Variants in HDAC9 observed in about 807,000 individuals in gnomAD.
The protein encoded by HDAC9 is histone deacetylase 9.
Under a neutral mutation model 139.4 loss-of-function variants are expected in HDAC9, and 41 were observed. The observed-to-expected ratio is 0.29, with a 90% CI of 0.23 to 0.38. The LOEUF (loss-of-function observed/expected upper bound fraction) is 0.38. Among genes scored for constraint, HDAC9 ranks in the 10% least tolerant of loss-of-function variants. The pLI, the probability that HDAC9 is intolerant of heterozygous loss-of-function variation, is 1.00. For synonymous variants in HDAC9, 517 were observed against 476.2 expected (o/e 1.09, Z -1.12); for missense variants, 1,147 against 1,297.0 (o/e 0.88, Z 1.78).
intron 12 of HDAC9, among the ~76,000 whole-genome samples, chr7:18,689,960 G>A (rs1410174014): frequency 6.6e-6 from 1 of 152,008 alleles, no homozygotes; most frequent in Non-Finnish European, 1.5e-5. Flanking sequence ...ATTCTTCCAT[G>A]GGTAATTTTA....
intron 17 of HDAC9, among the ~76,000 whole-genome samples, chr7:18,819,687 G>A (rs1387661005): frequency 6.6e-6 from 1 of 152,158 alleles, no homozygotes; most frequent in Non-Finnish European, 1.5e-5. Flanking sequence ...CAGCAAGAAA[G>A]TAGGAATGTG....
intron 2 of HDAC9, among the ~76,000 whole-genome samples, chr7:18,526,726 T>A (rs1447886232): frequency 6.6e-6 from 1 of 152,110 alleles, no homozygotes; most frequent in African/African-American, 2.4e-5. Flanking sequence ...GATCTATGGC[T>A]TAGGATAGCC....
chr7:18,221,697 A>G (rs1002084470), intron 2 of HDAC9, among the ~76,000 whole-genome samples: 1 of 152,144 alleles, frequency 6.6e-6, no homozygotes, highest in Non-Finnish European at 1.5e-5. Context: ...TAAGGACTAA[A>G]CTAAGAACAG....
chr7:18,126,975 G>A (rs1474518102), intron 1 of HDAC9, among the ~76,000 whole-genome samples: 1 of 152,152 alleles, frequency 6.6e-6, no homozygotes, highest in Non-Finnish European at 1.5e-5. Context: ...GTACGTGAAC[G>A]AAAGAGGATA....
intron 22 of HDAC9, among the ~76,000 whole-genome samples, chr7:18,909,895 T>G (rs992640974): frequency 3.3e-5 from 5 of 151,966 alleles, no homozygotes; most frequent in Admixed American, 1.3e-4. Context: ...AGTTTGATGC[T>G]TTTAGCTTTC....
At chr7:18,921,470 T>A (rs1803718236) in intron 22 of HDAC9, among the ~76,000 whole-genome samples, 1 of 152,080 alleles carries the variant, frequency 6.6e-6, no homozygotes, top group South Asian at 2.1e-4. Context: ...AAAACACACA[T>A]GAAAAAATGC....
intron 7 of HDAC9, 142 bp downstream of exon 7, chr7:18,629,623 A>C (rs1781721981): frequency 1.2e-6 from 1 of 815,830 alleles, no homozygotes; most frequent in East Asian, 3.1e-5. Flanking sequence ...AAAACTCACA[A>C]GTAGTTCAAT....
intron 1 of HDAC9, among the ~76,000 whole-genome samples, chr7:18,485,420 C>T (rs1234551740): frequency 6.6e-6 from 1 of 150,690 alleles, no homozygotes; most frequent in Non-Finnish European, 1.5e-5. Context: ...TGAAAATTTC[C>T]ATTCTAACTT....
intron 2 of HDAC9, among the ~76,000 whole-genome samples, chr7:18,557,338 A>AG (rs1261685481): frequency 2.5e-4 from 33 of 131,968 alleles, no homozygotes; most frequent in Non-Finnish European, 5.2e-4. Context: ...AGCAATGATG[A>AG]GTTTTTTTTT....
Position 18,703,012 on chromosome 7 carries a change from T to A in HDAC9, c.1732-24568T>A, listed in dbSNP as rs1041738763. Among the ~76,000 whole-genome samples the A allele has an allele frequency of 2.0e-5, 3 of 152,336 alleles. No individual in the cohort carries two copies. In the East Asian group the frequency reaches 5.8e-4, roughly 29 times the overall value. On this transcript the variant is annotated intron_variant, in intron 12 of 25. Transcript: ENST00000686413. ...ATTATATGAATCCTAAACATTTTAT[T>A]TGAATAGCAAATGCTATAAGGAATC...
At chr7:18,793,315 G>A in intron 16 of HDAC9, 30 bp from the exon 17 acceptor site, 1 of 1,446,386 alleles carries the variant, frequency 6.9e-7, no homozygotes, top group Non-Finnish European at 9.5e-7. Context: ...TTCTTCTTCT[G>A]TCTTCGGACT....
At chr7:18,352,778 C>A (rs1328453906) in intron 1 of HDAC9, among the ~76,000 whole-genome samples, 1 of 152,010 alleles carries the variant, frequency 6.6e-6, no homozygotes, top group East Asian at 1.9e-4. Context: ...TTTTTCCCCC[C>A]TTTTCCCCAC....
chr7:18,136,784 C>T lies in HDAC9; in HGVS notation c.-96-25445C>T, dbSNP rs1167300857. Among the ~76,000 whole-genome samples the T allele has an allele frequency of 6.4e-4, 97 of 151,214 alleles. No individual in the cohort carries two copies. The Middle Eastern group carries it at 0.014, about 21-fold the overall frequency. ...TTGGCTTAGGATTGACTTGGCGATG[C>T]GGGCTCTTTTTTGGTTCCATATGAA... On this transcript the variant is annotated intron_variant, in intron 1 of 12. Coordinates refer to the HDAC9 transcript ENST00000417496.
intron 2 of HDAC9, among the ~76,000 whole-genome samples, chr7:18,197,040 G>T (rs1173076926): frequency 6.6e-6 from 1 of 152,136 alleles, no homozygotes; most frequent in African/African-American, 2.4e-5. Flanking sequence ...TTGGTTGAAG[G>T]CCTGAGTAGA....
intron 2 of HDAC9, among the ~76,000 whole-genome samples, chr7:18,241,495 C>T (rs559480046): frequency 2.0e-5 from 3 of 152,280 alleles, no homozygotes; most frequent in Non-Finnish European, 2.9e-5. Flanking sequence ...GTGATCTCCT[C>T]ACGTTGCTGC....
chr7:18,087,015 C>G (rs887896461), exon 1 of HDAC9: 5 of 151,480 alleles, frequency 3.3e-5, no homozygotes, highest in African/African-American at 7.2e-5. Context: ...GTCTCCTCCT[C>G]TAGCGCCCGC....
chr7:18,360,273 A>G (rs1366533159), intron 1 of HDAC9, among the ~76,000 whole-genome samples: 13 of 152,342 alleles, frequency 8.5e-5, no homozygotes, highest in African/African-American at 1.7e-4. Context: ...CCTTTGTGCC[A>G]TCATTTTTCT....
intron 2 of HDAC9, among the ~76,000 whole-genome samples, chr7:18,207,559 A>ATTTTTTTTTTTTTTTTTTTTT (rs1584636090): frequency 1.6e-3 from 58 of 37,352 alleles, no homozygotes; most frequent in African/African-American, 3.1e-3. Context: ...TTTTTTTTTG[A>ATTTTTTTTTTTTTTTTTTTTT]TTTGAGCTTT....
chr7:18,858,043 A>T (rs1430741921), intron 21 of HDAC9, among the ~76,000 whole-genome samples: 1 of 152,200 alleles, frequency 6.6e-6, no homozygotes, highest in Non-Finnish European at 1.5e-5. Flanking sequence ...TATCCATTGA[A>T]ATCTTGGATT....
Sources: allele counts gnomAD v4.1 joint callset (sites outside exome capture counted in the v4.1 genomes callset), GRCh38; gene constraint gnomAD v4.1.1; transcripts MANE v1.5; gene names NCBI Gene and HGNC (gene_info 2026-07-23, HGNC 2026-07-21).